ZCCHC7: variants seen among roughly 807,000 people sequenced by gnomAD.
ZCCHC7 encodes zinc finger CCHC-type containing 7.
In ZCCHC7, 35 loss-of-function variants were observed where a neutral mutation model predicts 52.0. That is an observed-to-expected ratio of 0.67 (90% CI 0.51 to 0.89). ZCCHC7 has a LOEUF of 0.89. Ranked by LOEUF, ZCCHC7 falls within the 40% of genes least tolerant of loss-of-function variation. The pLI is 0.00. For missense variants in ZCCHC7, 574 were observed against 649.1 expected (o/e 0.88, Z 1.26); for synonymous variants, 217 against 221.5 (o/e 0.98, Z 0.18).
At chr9:37,266,057 T>A (rs894734447) in intron 2 of ZCCHC7, among the ~76,000 whole-genome samples, 4 of 152,126 alleles carry the variant, frequency 2.6e-5, no homozygotes, top group Non-Finnish European at 5.9e-5. Context: ...TTCTTTAAGG[T>A]CAGACATAGA....
chr9:37,236,709 T>C (rs1027219638), intron 2 of ZCCHC7, among the ~76,000 whole-genome samples: 1 of 152,220 alleles, frequency 6.6e-6, no homozygotes, highest in Non-Finnish European at 1.5e-5. Flanking sequence ...TCTCAGATTT[T>C]TAATTCCTAT....
intron 2 of ZCCHC7, among the ~76,000 whole-genome samples, chr9:37,167,156 G>C (rs1224639073): frequency 6.6e-6 from 1 of 150,384 alleles, no homozygotes; most frequent in Non-Finnish European, 1.5e-5. Context: ...TTTTCTCTCT[G>C]TTTTATTATA....
Position 37,340,172 on chromosome 9 carries a change from A to T in ZCCHC7, c.988-9185A>T, listed in dbSNP as rs575086515. 2.0e-5 allele frequency among the ~76,000 whole-genome samples: 3 copies of T among 152,300 alleles called. No individual in the cohort carries two copies. The South Asian group carries it at 6.2e-4, about 32-fold the overall frequency. ...GAAGAAAATCATTTGTAATCGTTGC[A>T]TCGGGCTGCACTTTGAGGAGACATT... On this transcript the variant is annotated intron_variant, in intron 6 of 8. Coordinates refer to ENST00000336755, the MANE Select transcript of ZCCHC7 (RefSeq NM_032226.3).
intron 2 of ZCCHC7, among the ~76,000 whole-genome samples, chr9:37,294,680 TATTC>T (rs1285431286): frequency 1.3e-5 from 2 of 152,338 alleles, no homozygotes; most frequent in East Asian, 3.9e-4. Context: ...GAACAGTACT[TATTC>T]ATACAGTTGT....
intron 2 of ZCCHC7, among the ~76,000 whole-genome samples, chr9:37,145,316 A>AT (rs948214573): frequency 1.3e-5 from 2 of 151,820 alleles, no homozygotes; most frequent in African/African-American, 2.4e-5. Flanking sequence ...TTCCTGTTGT[A>AT]TTTTTTTAAT....
intron 2 of ZCCHC7, among the ~76,000 whole-genome samples, chr9:37,256,038 A>G (rs1023386191): frequency 5.3e-5 from 8 of 152,168 alleles, no homozygotes; most frequent in African/African-American, 1.9e-4. Context: ...TGACGTTTTA[A>G]TAAGCATTCT....
chr9:37,265,985 A>T (rs534881417), intron 2 of ZCCHC7, among the ~76,000 whole-genome samples: 56 of 151,968 alleles, frequency 3.7e-4, no homozygotes, highest in Admixed American at 3.3e-3. Context: ...CCCTCCCCAA[A>T]TCCCTGCATG....
chr9:37,225,293 G>A (rs888060778), intron 2 of ZCCHC7, among the ~76,000 whole-genome samples: 2 of 152,038 alleles, frequency 1.3e-5, no homozygotes, highest in Non-Finnish European at 2.9e-5. Flanking sequence ...TATTAAAGAA[G>A]GTGAATTGTT....
Position 37,182,464 on chromosome 9 carries a change from AAGCCATTCTCTTGCCTCAGCCTCTTGAGT to A in ZCCHC7, c.610+55528_610+55556del, listed in dbSNP as rs1822414209. Among the ~76,000 whole-genome samples the A allele has an allele frequency of 2.0e-5, 3 of 151,804 alleles. No individual in the cohort carries two copies. The South Asian group carries it at 6.2e-4, about 32-fold the overall frequency. On this transcript the variant is annotated intron_variant, in intron 2 of 8. Coordinates refer to ENST00000336755, the MANE Select transcript of ZCCHC7 (RefSeq NM_032226.3). ...ACTGCAGCCTCCGCCTCCCAGGTTCAAGCCATTCTCTTGCCTCAGCCTCTTGAGTAGCCAGGATTACAGGCACACGCCAC... is the reference window on the plus strand; with the variant it reads ...ACTGCAGCCTCCGCCTCCCAGGTTCAAGCCAGGATTACAGGCACACGCCAC...
Position 37,354,702 on chromosome 9 carries a change from A to G in ZCCHC7, c.1084-8A>G, listed in dbSNP as rs777557849. The G allele has an allele frequency of 1.3e-6, 2 of 1,590,402 alleles. No individual in the cohort carries two copies. The highest frequency in any genetic ancestry group is 4.5e-5 in the East Asian group (2 of 44,752). On this transcript the variant is annotated splice_region_variant and splice_polypyrimidine_tract_variant and intron_variant, in intron 7 of 8. Transcript: ENST00000336755. This position sits in a 1 kb window ranked among gnomAD's most constrained non-coding sequence, Gnocchi z 4.0. ...ATGTGACATCATAATTTTACATACA[A>G]TTTATAGGAATGTCCAGAAAGAGAA...
chr9:37,168,803 C>T (rs574022927), intron 2 of ZCCHC7, among the ~76,000 whole-genome samples: 12 of 152,240 alleles, frequency 7.9e-5, no homozygotes, highest in Non-Finnish European at 1.2e-4. Flanking sequence ...ATCAAATACC[C>T]AGCCTTGGGC....
At chr9:37,305,192 T>A (rs1829241899) in intron 4 of ZCCHC7, among the ~76,000 whole-genome samples, 1 of 152,172 alleles carries the variant, frequency 6.6e-6, no homozygotes, top group Non-Finnish European at 1.5e-5. Context: ...TGTTCTTGCT[T>A]CTCCAGTCAA....
At chr9:37,313,141 A>G (rs1354374774) in intron 5 of ZCCHC7, among the ~76,000 whole-genome samples, 1 of 152,232 alleles carries the variant, frequency 6.6e-6, no homozygotes, top group Admixed American at 6.5e-5. Context: ...GGTTAGATAT[A>G]TGTACTTTGT....
chr9:37,222,398 TGTA>T (rs1210854885), intron 2 of ZCCHC7, among the ~76,000 whole-genome samples: 1 of 149,180 alleles, frequency 6.7e-6, no homozygotes, highest in East Asian at 2.0e-4. Flanking sequence ...TAAAGAAGAG[TGTA>T]GTACATTATA....
chr9:37,202,406 A>AT (rs1286219007), intron 2 of ZCCHC7, among the ~76,000 whole-genome samples: 1 of 152,224 alleles, frequency 6.6e-6, no homozygotes, highest in Non-Finnish European at 1.5e-5. Flanking sequence ...AACATAATGA[A>AT]TTGTTTGTTT....
rs144446150 is a variant in ZCCHC7, at chr9:37,161,186, G to C, written c.610+34244G>C. Among the ~76,000 whole-genome samples, 102 of 152,058 alleles carry C rather than the reference G, an allele frequency of 6.7e-4. 2 individuals carry two copies. The East Asian group carries it at 0.02, about 29-fold the overall frequency. ...ACTGGTCTTGAACTCCTGACCTCAA[G>C]TGATCCACCTGCCTCGCCTTCCAAA... On this transcript the variant is annotated intron_variant, in intron 2 of 8. Coordinates refer to ENST00000336755, the MANE Select transcript of ZCCHC7 (RefSeq NM_032226.3).
chr9:37,151,334 G>A (rs1304302220), intron 2 of ZCCHC7, among the ~76,000 whole-genome samples: 1 of 152,100 alleles, frequency 6.6e-6, no homozygotes, highest in African/African-American at 2.4e-5. Context: ...GTCTTTCTCA[G>A]TGAGAGTAAA....
intron 1 of ZCCHC7, among the ~76,000 whole-genome samples, chr9:37,124,499 T>C (rs189358827): frequency 6.6e-6 from 1 of 152,208 alleles, no homozygotes; most frequent in East Asian, 1.9e-4. Context: ...CCTGTTTGGC[T>C]TTGGTGATTC....
chr9:37,324,118 G>T (rs1426501131), intron 5 of ZCCHC7, among the ~76,000 whole-genome samples: 1 of 152,128 alleles, frequency 6.6e-6, no homozygotes, highest in Non-Finnish European at 1.5e-5. Context: ...AATGAATATT[G>T]TTTGTTTTAT....
Sources: allele counts gnomAD v4.1 joint callset (sites outside exome capture counted in the v4.1 genomes callset), GRCh38; gene constraint gnomAD v4.1.1; non-coding constraint Gnocchi (gnomAD v3.1); transcripts MANE v1.5; gene names NCBI Gene and HGNC (gene_info 2026-07-23, HGNC 2026-07-21).